Variants in MCC observed in about 807,000 individuals in gnomAD.
The protein encoded by MCC is colorectal mutant cancer protein.
In MCC, 90 loss-of-function variants were observed where a neutral mutation model predicts 116.2. The observed-to-expected ratio is 0.77, with a 90% CI of 0.65 to 0.92. The LOEUF (loss-of-function observed/expected upper bound fraction) is 0.92. Among genes scored for constraint, MCC ranks in the 40% least tolerant of loss-of-function variants. MCC has a pLI of 0.00. For synonymous variants in MCC, 578 were observed against 510.5 expected (o/e 1.13, Z -1.78); for missense variants, 1,516 against 1,312.2 (o/e 1.16, Z -2.40).
chr5:113,411,918 G>A (rs563032372), intron 1 of MCC, among the ~76,000 whole-genome samples: 2 of 152,300 alleles, frequency 1.3e-5, no homozygotes, highest in African/African-American at 4.8e-5. Flanking sequence ...TAACATTTAA[G>A]TCTTTAATCC....
At chr5:113,393,962 T>G (rs934319621) in intron 1 of MCC, among the ~76,000 whole-genome samples, 1 of 152,190 alleles carries the variant, frequency 6.6e-6, no homozygotes, top group South Asian at 2.1e-4. Flanking sequence ...TAATCTAATC[T>G]AAATCTGTGG....
At position 113,024,484 on chromosome 5, in the gene MCC, G is replaced by T. The variant is rs1473641096; in HGVS notation, c.*2818C>A. 6.6e-6 allele frequency: 1 copy of T among 152,196 alleles called. No individual in the cohort carries two copies. The highest frequency in any genetic ancestry group is 2.4e-5 in the African/African-American group (1 of 41,446). The allele number at this position is 152,196 out of a possible 1,614,324, so 9.4% of individuals were successfully genotyped here. A position where few individuals can be genotyped will look rare whatever the true frequency, so the allele number is the denominator to read the frequency against. On this transcript the variant is annotated 3_prime_UTR_variant, in exon 19 of 19. Coordinates refer to ENST00000408903, the MANE Select transcript of MCC (RefSeq NM_001085377.2). ...TATATTCCAAGGGAACTGTGAAATG[G>T]GTCCTTTGGCTCTGTGCCCATTTCT...
intron 1 of MCC, among the ~76,000 whole-genome samples, chr5:113,466,782 G>A (rs566601626): frequency 6.6e-6 from 1 of 150,618 alleles, no homozygotes; most frequent in Non-Finnish European, 1.5e-5. Flanking sequence ...ATGGTTGAAC[G>A]AGTTTACAGT....
chr5:113,437,892 G>A (rs1268682914), intron 1 of MCC, among the ~76,000 whole-genome samples: 1 of 152,132 alleles, frequency 6.6e-6, no homozygotes, highest in Admixed American at 6.5e-5. Context: ...GAGTGGTAAA[G>A]GGCTCCAGCT....
intron 3 of MCC, among the ~76,000 whole-genome samples, chr5:113,245,857 G>A (rs1236414030): frequency 6.6e-6 from 1 of 152,136 alleles, no homozygotes; most frequent in African/African-American, 2.4e-5. Flanking sequence ...AAGGAAAAAA[G>A]TCACCAGGAG....
At chr5:113,287,469 A>T (rs1167389028) in intron 3 of MCC, among the ~76,000 whole-genome samples, 2 of 151,944 alleles carry the variant, frequency 1.3e-5, no homozygotes, top group Non-Finnish European at 2.9e-5. Flanking sequence ...TGGGATTACA[A>T]GTGCCCGCCA....
chr5:113,432,320 C>CAAAAAAAAAAAAAAA (rs66577040), intron 1 of MCC, among the ~76,000 whole-genome samples: 1 of 68,610 alleles, frequency 1.5e-5, no homozygotes, highest in Non-Finnish European at 2.9e-5. Flanking sequence ...GACTCTGTCT[C>CAAAAAAAAAAAAAAA]AAAAAAAAAA....
At chr5:113,211,984 C>T (rs1275253132) in intron 3 of MCC, among the ~76,000 whole-genome samples, 1 of 152,124 alleles carries the variant, frequency 6.6e-6, no homozygotes, top group Non-Finnish European at 1.5e-5. Context: ...AATTTTCAAA[C>T]ACATGGAATA....
intron 1 of MCC, among the ~76,000 whole-genome samples, chr5:113,427,259 A>G (rs1159863052): frequency 2.0e-5 from 3 of 152,218 alleles, no homozygotes; most frequent in Non-Finnish European, 4.4e-5. Context: ...TATAATAAGA[A>G]GTTGGTCATT....
At chr5:113,049,057 G>A (rs1314331033) in intron 16 of MCC, 36 bp downstream of exon 16, 1 of 1,600,014 alleles carries the variant, frequency 6.2e-7, no homozygotes, top group Non-Finnish European at 8.5e-7. Context: ...GGCAGTCACT[G>A]AGCCTAAGGG....
At chr5:113,042,758 C>A (rs1168062152) in intron 17 of MCC, among the ~76,000 whole-genome samples, 2 of 151,308 alleles carry the variant, frequency 1.3e-5, no homozygotes, top group African/African-American at 4.9e-5. Flanking sequence ...AAAATACATA[C>A]CAGGTTTTGA....
At chr5:113,046,367 T>G (rs540465985) in intron 16 of MCC, among the ~76,000 whole-genome samples, 1 of 152,148 alleles carries the variant, frequency 6.6e-6, no homozygotes, top group South Asian at 2.1e-4. Context: ...AATTTTTGTA[T>G]TTTTAGTAGA....
At position 113,158,695 on chromosome 5, in the gene MCC, A is replaced by G. The variant is rs72803292; in HGVS notation, c.628-7273T>C. ...GCAAACGAGGAAACCAAGGCACAGA[A>G]GAGGGGTAGAAAATCAGCCGAAGTG... On this transcript the variant is annotated intron_variant, in intron 3 of 18. Coordinates refer to ENST00000408903, the MANE Select transcript of MCC (RefSeq NM_001085377.2). Among the ~76,000 whole-genome samples the G allele has an allele frequency of 8.6e-3, 1,317 of 152,348 alleles. 8 individuals carry two copies. The highest frequency in any genetic ancestry group is 0.014 in the Non-Finnish European group (974 of 68,028).
chr5:113,073,822 G>T (rs936123720), intron 11 of MCC, among the ~76,000 whole-genome samples: 1 of 152,240 alleles, frequency 6.6e-6, no homozygotes, highest in Non-Finnish European at 1.5e-5. Context: ...GCCACAGCGA[G>T]GTTGGGGGAC....
chr5:113,266,699 G>C (rs1765430544), intron 3 of MCC, among the ~76,000 whole-genome samples: 2 of 152,032 alleles, frequency 1.3e-5, no homozygotes, highest in African/African-American at 4.8e-5. Flanking sequence ...TACATTTAAA[G>C]GCACCTCAGC....
chr5:113,378,632 G>T (rs920249016), intron 2 of MCC, among the ~76,000 whole-genome samples: 2 of 152,182 alleles, frequency 1.3e-5, no homozygotes, highest in Non-Finnish European at 2.9e-5. Context: ...ACAGACAGGT[G>T]ACAGCCTCAT....
chr5:113,281,446 C>A (rs1325222065), intron 3 of MCC, among the ~76,000 whole-genome samples: 3 of 152,184 alleles, frequency 2.0e-5, no homozygotes, highest in African/African-American at 4.8e-5. Context: ...CTCTGCAGTG[C>A]ATCCTTATTC....
At chr5:113,386,754 CATAT>C (rs10673164) in intron 1 of MCC, among the ~76,000 whole-genome samples, 45 of 141,006 alleles carry the variant, frequency 3.2e-4, no homozygotes, top group South Asian at 4.4e-4. Flanking sequence ...ATATGTATAT[CATAT>C]ATATATATAT....
At chr5:113,279,973 T>C (rs1449068456) in intron 3 of MCC, among the ~76,000 whole-genome samples, 1 of 152,228 alleles carries the variant, frequency 6.6e-6, no homozygotes, top group Non-Finnish European at 1.5e-5. Flanking sequence ...GGTATTGCCA[T>C]TCTTCACATT....
Sources: gnomAD v4.1 joint callset for allele counts (sites outside exome capture counted in the v4.1 genomes callset) on GRCh38, gnomAD v4.1.1 for gene constraint, MANE v1.5 for transcripts, NCBI Gene and HGNC (gene_info 2026-07-23, HGNC 2026-07-21) for gene names.